USP28: variants seen among roughly 807,000 people sequenced by gnomAD.
USP28 encodes the protein ubiquitin carboxyl-terminal hydrolase 28.
A neutral mutation model predicts 145.0 loss-of-function variants in USP28; 113 were observed. The ratio of observed to expected loss-of-function variants is 0.78; its 90% CI spans 0.67 to 0.91. The LOEUF (loss-of-function observed/expected upper bound fraction) is 0.91. Ranked by LOEUF, USP28 falls within the 40% of genes least tolerant of loss-of-function variation. The probability of loss-of-function intolerance (pLI) is 0.00; values close to 1 mark genes in which losing one functional copy is unlikely to be tolerated. For missense variants in USP28, 1,201 were observed against 1,289.6 expected (o/e 0.93, Z 1.05); for synonymous variants, 447 against 450.9 (o/e 0.99, Z 0.11).
intron 18 of USP28, 102 bp downstream of exon 19, chr11:113,807,849 A>G (rs1325636402): frequency 1.2e-6 from 1 of 811,028 alleles, no homozygotes; most frequent in Non-Finnish European, 1.5e-6. Flanking sequence ...CATTTTTTGC[A>G]ACGAGAAAAT....
At chr11:113,827,412 T>G (rs753674128) in intron 10 of USP28, 52 bp from the exon 11 acceptor site, 1 of 1,517,340 alleles carries the variant, frequency 6.6e-7, no homozygotes, top group Non-Finnish European at 8.8e-7. Flanking sequence ...TTTAGGAAAT[T>G]ACAATAACCA....
At chr11:113,828,959 A>G (rs1369320613) in intron 10 of USP28, 3 of 657,290 alleles carry the variant, frequency 4.6e-6, no homozygotes, top group East Asian at 3.1e-5. Context: ...TACTTAAAAC[A>G]TCAGAAGCAG....
chr11:113,857,600 A>G (rs760194053), intron 1 of USP28, among the ~76,000 whole-genome samples: 1 of 152,228 alleles, frequency 6.6e-6, no homozygotes, highest in Non-Finnish European at 1.5e-5. Flanking sequence ...AAGTGCAGAC[A>G]ATGACAACAT....
chr11:113,868,793 C>T (rs1948539374), intron 1 of USP28, among the ~76,000 whole-genome samples: 1 of 151,352 alleles, frequency 6.6e-6, no homozygotes, highest in Non-Finnish European at 1.5e-5. Flanking sequence ...CATGGTGGCA[C>T]ATGTCTGTAG....
chr11:113,861,998 TA>T (rs1384467848), intron 1 of USP28, among the ~76,000 whole-genome samples: 3 of 152,234 alleles, frequency 2.0e-5, no homozygotes, highest in Non-Finnish European at 2.9e-5. Context: ...ATAGCAATGG[TA>T]AAATTTTAAG....
intron 3 of USP28, 29 bp from the exon 4 acceptor site, chr11:113,841,797 C>A: frequency 6.6e-7 from 1 of 1,510,134 alleles, no homozygotes; most frequent in Non-Finnish European, 9.1e-7. Context: ...TTTAATTAGT[C>A]TATATATAGG....
At chr11:113,874,829 T>G in intron 1 of USP28, 1 of 1,048,844 alleles carries the variant, frequency 9.5e-7, no homozygotes. Flanking sequence ...CAGGAGATCA[T>G]CATCAGTAGA....
intron 5 of USP28, among the ~76,000 whole-genome samples, chr11:113,836,065 C>T (rs1328589926): frequency 5.9e-5 from 9 of 151,954 alleles, no homozygotes; most frequent in African/African-American, 1.2e-4. Context: ...GCAACAAGAA[C>T]GAAACTGTCT....
exon 3 of USP28, chr11:113,852,526 A>G (rs759271091): frequency 1.2e-6 from 2 of 1,613,832 alleles, no homozygotes; most frequent in Non-Finnish European, 1.7e-6. Context: ...TGTTGGCAGC[A>G]CTCCCCTCTA....
At chr11:113,813,163 A>G (rs1366352704) in intron 15 of USP28, among the ~76,000 whole-genome samples, 1 of 152,222 alleles carries the variant, frequency 6.6e-6, no homozygotes, top group African/African-American at 2.4e-5. Flanking sequence ...ACCTATTTTA[A>G]TTACTGGTGA....
intron 5 of USP28, among the ~76,000 whole-genome samples, chr11:113,835,818 C>T (rs1271862369): frequency 2.6e-5 from 4 of 152,246 alleles, no homozygotes; most frequent in Admixed American, 1.3e-4. Flanking sequence ...TGGTGGCTTA[C>T]GCCTGTAATC....
At chr11:113,800,507 T>C (rs914424001) in intron 24 of USP28, among the ~76,000 whole-genome samples, 1 of 150,282 alleles carries the variant, frequency 6.7e-6, no homozygotes, top group African/African-American at 2.5e-5. Flanking sequence ...CCCAGGCTGG[T>C]CTCAAACTCC....
At chr11:113,842,648 G>A (rs1225721562) in intron 3 of USP28, among the ~76,000 whole-genome samples, 1 of 150,808 alleles carries the variant, frequency 6.6e-6, no homozygotes, top group African/African-American at 2.4e-5. Context: ...AATACTAGAT[G>A]GAGCAGTAAA....
chr11:113,831,791 C>T, intron 8 of USP28, 129 bp downstream of exon 8: 1 of 752,456 alleles, frequency 1.3e-6, no homozygotes, highest in Non-Finnish European at 2.2e-6. Context: ...AGGACTACCT[C>T]AGTGGTTATC....
chr11:113,813,455 C>T (rs1189813622), intron 15 of USP28, among the ~76,000 whole-genome samples: 3 of 152,296 alleles, frequency 2.0e-5, no homozygotes, highest in Non-Finnish European at 2.9e-5. Context: ...TGTCCTAACT[C>T]TCTTTTGGAA....
At chr11:113,849,556 T>C (rs1946242671) in intron 3 of USP28, among the ~76,000 whole-genome samples, 1 of 152,070 alleles carries the variant, frequency 6.6e-6, no homozygotes, top group Non-Finnish European at 1.5e-5. Flanking sequence ...TAAAGGGATG[T>C]CCGTATGAGG....
At chr11:113,857,557 T>C (rs140362784) in intron 1 of USP28, among the ~76,000 whole-genome samples, 200 of 152,314 alleles carry the variant, frequency 1.3e-3, no homozygotes, top group African/African-American at 4.5e-3. Flanking sequence ...ACTGTTGTTA[T>C]AACAATAGTA....
At chr11:113,814,123 G>A (rs1263974357) in intron 14 of USP28, among the ~76,000 whole-genome samples, 168 bp from the exon 15 acceptor site, 4 of 152,220 alleles carry the variant, frequency 2.6e-5, no homozygotes, top group Non-Finnish European at 5.9e-5. Context: ...TTTAGGTTAT[G>A]AAAGCTTTTA....
intron 2 of USP28, 143 bp from the exon 3 acceptor site, chr11:113,852,776 A>G (rs1052114285): frequency 1.1e-6 from 1 of 949,288 alleles, no homozygotes; most frequent in Non-Finnish European, 1.6e-6. Flanking sequence ...TATGGTGGAC[A>G]GTAGGTCTAA....
Sources: gnomAD v4.1 joint callset for allele counts (sites outside exome capture counted in the v4.1 genomes callset) on GRCh38, gnomAD v4.1.1 for gene constraint, MANE v1.5 for transcripts, NCBI Gene and HGNC (gene_info 2026-07-23, HGNC 2026-07-21) for gene names.